RIC8B: variants seen among roughly 807,000 people sequenced by gnomAD.
The protein encoded by RIC8B is chaperone Ric-8B.
A neutral mutation model predicts 57.5 loss-of-function variants in RIC8B; 16 were observed. The ratio of observed to expected loss-of-function variants is 0.28; its 90% CI spans 0.19 to 0.42. The LOEUF (loss-of-function observed/expected upper bound fraction) is 0.42. RIC8B is among the 10% of genes least tolerant of loss of function. The pLI, the probability that RIC8B is intolerant of heterozygous loss-of-function variation, is 1.00. For missense variants in RIC8B, 481 were observed against 677.0 expected (o/e 0.71, Z 3.21); for synonymous variants, 216 against 250.8 (o/e 0.86, Z 1.31).
At position 106,808,484 on chromosome 12, in the gene RIC8B, A is replaced by G. The variant is rs79312238; in HGVS notation, c.133-6212A>G. Among the ~76,000 whole-genome samples the G allele has an allele frequency of 2.1e-3, 327 of 152,356 alleles. 2 individuals are homozygous for G. The highest frequency in any genetic ancestry group is 7.5e-3 in the African/African-American group (311 of 41,582). On this transcript the variant is annotated intron_variant, in intron 2 of 9. Coordinates refer to ENST00000392837, the MANE Select transcript of RIC8B (RefSeq NM_001330145.2). The stretch of plus-strand genomic sequence containing the variant: ...AGAACAGTGCTTCTCAAATTATTTG[A>G]GATGAAGGATCAAGGTCTTTTCTTG...
In RIC8B at chr12:106,879,782, T is replaced by C; in HGVS notation, c.1572-6122T>C. ...AATGATGTTTCGTTCCAGTTGAACA[T>C]TCTTGGAGGCTTATCTCTTCCCTGG... On this transcript the variant is annotated intron_variant, in intron 9 of 9. Coordinates refer to ENST00000392837, the MANE Select transcript of RIC8B (RefSeq NM_001330145.2). This position sits in a 1 kb window ranked among gnomAD's most constrained non-coding sequence, Gnocchi z 4.9. 1.0e-6 allele frequency: 1 copy of C among 985,438 alleles called. No homozygotes were observed. The highest frequency in any genetic ancestry group is 1.2e-6 in the Non-Finnish European group (1 of 829,938). 61.0% of individuals were successfully genotyped at this position (985,438 alleles called of 1,614,324 possible).
At chr12:106,852,829 G>A (rs752471545) in intron 7 of RIC8B, among the ~76,000 whole-genome samples, 5 of 152,144 alleles carry the variant, frequency 3.3e-5, no homozygotes, top group Non-Finnish European at 7.4e-5. Flanking sequence ...TTTGAAAAAA[G>A]ATTGATTTAG....
intron 2 of RIC8B, among the ~76,000 whole-genome samples, chr12:106,804,758 TAAAAG>T (rs578114345): frequency 1.2e-3 from 188 of 152,320 alleles, no homozygotes; most frequent in African/African-American, 4.4e-3. Context: ...CCAAAGCTGA[TAAAAG>T]AGAGAACTCT....
chr12:106,885,607 ACAG>A (rs1331025437), intron 9 of RIC8B, among the ~76,000 whole-genome samples: 1 of 151,902 alleles, frequency 6.6e-6, no homozygotes, highest in Non-Finnish European at 1.5e-5. Flanking sequence ...ATTATTCAAA[ACAG>A]AAGAGACCTG....
intron 3 of RIC8B, among the ~76,000 whole-genome samples, chr12:106,816,089 C>T (rs2045562829): frequency 6.6e-6 from 1 of 151,972 alleles, no homozygotes; most frequent in Non-Finnish European, 1.5e-5. Context: ...AGCTTTTTTC[C>T]CTCCTTCTAG....
chr12:106,844,080 C>T, intron 6 of RIC8B, 133 bp downstream of exon 6: 1 of 687,126 alleles, frequency 1.5e-6, no homozygotes, highest in Non-Finnish European at 2.5e-6. Flanking sequence ...TTGAAATCTT[C>T]TTAATCAAGA....
intron 6 of RIC8B, among the ~76,000 whole-genome samples, chr12:106,848,902 A>G (rs750014601): frequency 2.0e-5 from 3 of 152,216 alleles, no homozygotes; most frequent in Non-Finnish European, 2.9e-5. Flanking sequence ...ATGTAAAATT[A>G]TTAAGTTCAA....
At chr12:106,846,840 G>A (rs1204285510) in intron 6 of RIC8B, among the ~76,000 whole-genome samples, 6 of 151,962 alleles carry the variant, frequency 3.9e-5, no homozygotes, top group Admixed American at 3.9e-4. Flanking sequence ...AAACATTACA[G>A]TAGAGGTATG....
intron 4 of RIC8B, among the ~76,000 whole-genome samples, chr12:106,837,922 G>A (rs962516693): frequency 0.054 from 6 of 112 alleles, no homozygotes; most frequent in African/African-American, 0.17. Flanking sequence ...GATTACAGGC[G>A]TGAGCACCAC....
intron 6 of RIC8B, among the ~76,000 whole-genome samples, chr12:106,845,965 A>G (rs1483123382): frequency 6.6e-6 from 1 of 152,172 alleles, no homozygotes; most frequent in Non-Finnish European, 1.5e-5. Flanking sequence ...TCTAGGACAC[A>G]ATAGAGAACC....
At position 106,860,248 on chromosome 12, in the gene RIC8B, AC is replaced by A. The variant is rs1278983765; in HGVS notation, c.1307-17del. 1 of 1,551,422 alleles carries A rather than the reference AC, an allele frequency of 6.4e-7. No individual in the cohort carries two copies. The highest frequency in any genetic ancestry group is 8.7e-7 in the Non-Finnish European group (1 of 1,152,368). ...GAAGACCCAAGGATTCCTATCTAAA[AC>A]CCTATTCTGTTTTTGCAGTGGATAG... On this transcript the variant is annotated intron_variant, in intron 7 of 9. Transcript: ENST00000392837.
At chr12:106,847,881 TAA>T (rs1349561433) in intron 6 of RIC8B, among the ~76,000 whole-genome samples, 1 of 152,220 alleles carries the variant, frequency 6.6e-6, no homozygotes. Flanking sequence ...AAATATTCAT[TAA>T]ACACCTGTAA....
At chr12:106,880,901 C>T (rs1377594759) in intron 9 of RIC8B, among the ~76,000 whole-genome samples, 2 of 152,126 alleles carry the variant, frequency 1.3e-5, no homozygotes, top group East Asian at 1.9e-4. Flanking sequence ...CTGTTTCTAA[C>T]CCTGTAAATC....
chr12:106,806,166 C>T (rs905636954), intron 2 of RIC8B, among the ~76,000 whole-genome samples: 4 of 152,098 alleles, frequency 2.6e-5, no homozygotes, highest in African/African-American at 7.2e-5. Flanking sequence ...AGGCTGGCCT[C>T]GAACTCCCGA....
At chr12:106,878,939 T>G (rs1342028098) in intron 9 of RIC8B, 3 of 985,096 alleles carry the variant, frequency 3.0e-6, no homozygotes, top group East Asian at 2.3e-4. Flanking sequence ...ACATGCTGTT[T>G]TATCAAAAGA....
intron 5 of RIC8B, among the ~76,000 whole-genome samples, chr12:106,843,546 C>A (rs765046675): frequency 6.6e-6 from 1 of 151,104 alleles, no homozygotes; most frequent in Non-Finnish European, 1.5e-5. Context: ...CATGGTGAAA[C>A]CCCATCTCTA....
chr12:106,798,113 A>T (rs1391626717), intron 2 of RIC8B: 2 of 703,826 alleles, frequency 2.8e-6, no homozygotes, highest in Non-Finnish European at 2.6e-6. Flanking sequence ...ATAGCTGTGT[A>T]GTACTGGCCT....
intron 7 of RIC8B, among the ~76,000 whole-genome samples, chr12:106,852,961 T>C (rs574557578): frequency 3.0e-4 from 45 of 152,362 alleles, no homozygotes; most frequent in Admixed American, 9.8e-4. Flanking sequence ...TACATGCTTA[T>C]GCATAAATCC....
chr12:106,809,522 C>CAAAAAAAAA (rs201411394), intron 2 of RIC8B, among the ~76,000 whole-genome samples: 3 of 105,546 alleles, frequency 2.8e-5, no homozygotes, highest in African/African-American at 7.1e-5. Flanking sequence ...ACTCTTGTCT[C>CAAAAAAAAA]AAAAAAAAAA....
Sources: gnomAD v4.1 joint callset for allele counts (sites outside exome capture counted in the v4.1 genomes callset) on GRCh38, gnomAD v4.1.1 for gene constraint, Gnocchi (gnomAD v3.1) non-coding constraint, MANE v1.5 for transcripts, NCBI Gene and HGNC (gene_info 2026-07-23, HGNC 2026-07-21) for gene names.